Variants in MAP2K3 observed in about 807,000 individuals in gnomAD.
MAP2K3 encodes the protein mitogen-activated protein kinase kinase 3, also known as dual specificity mitogen-activated protein kinase kinase 3.
Under a neutral mutation model 46.4 loss-of-function variants are expected in MAP2K3, and 30 were observed. The ratio of observed to expected loss-of-function variants is 0.65; its 90% CI spans 0.48 to 0.88. The LOEUF is 0.88. MAP2K3 is among the 40% of genes least tolerant of loss of function. MAP2K3 has a pLI of 0.00. For missense variants in MAP2K3, 380 were observed against 464.5 expected (o/e 0.82, Z 1.67); for synonymous variants, 189 against 176.3 (o/e 1.07, Z -0.57).
intron 5 of MAP2K3, among the ~76,000 whole-genome samples, chr17:21,301,423 A>T (rs1976593531): frequency 6.6e-6 from 1 of 152,308 alleles, no homozygotes; most frequent in Admixed American, 6.5e-5. Context: ...AGAGTGACTG[A>T]GGCTGGAAGA....
Position 21,314,297 on chromosome 17 carries a change from CA to C in MAP2K3, c.*68del, listed in dbSNP as rs1237722419. 1 of 1,344,542 alleles carries C rather than the reference CA, an allele frequency of 7.4e-7. No individual in the cohort carries two copies. The highest frequency in any genetic ancestry group is 1.1e-6 in the Non-Finnish European group (1 of 940,020). 83.3% of individuals were successfully genotyped at this position (1,344,542 alleles called of 1,614,324 possible). A position where few individuals can be genotyped will look rare whatever the true frequency, so the allele number is the denominator to read the frequency against. ...CAGCCCCATCTGCGGGGGCAGTGCT[CA>C]CCCACACCATAAGCTACTGCCATCC... On this transcript the variant is annotated 3_prime_UTR_variant, in exon 12 of 12. Transcript: ENST00000342679.
At chr17:21,313,439 G>A in intron 10 of MAP2K3, 53 bp from the exon 11 acceptor site, 1 of 1,548,562 alleles carries the variant, frequency 6.5e-7, no homozygotes, top group Non-Finnish European at 8.9e-7. Flanking sequence ...TGGCCCTTGG[G>A]GGCTGGGCTT....
rs116715468 is a variant in MAP2K3, at chr17:21,314,164, C to A, written c.978C>A (p.Thr326=). 1.7e-3 allele frequency: 2,704 copies of A among 1,614,008 alleles called. 25 individuals are homozygous for A. The African/African-American group carries it at 0.027, about 16-fold the overall frequency. Residue 326 remains threonine, a synonymous_variant, in exon 12 of 12, where the codon ACC becomes ACA. Coordinates refer to ENST00000342679, the MANE Select transcript of MAP2K3 (RefSeq NM_145109.3). ...YLELMEHPFF[T]LHKTKKTDIA... ...ACCCCCAGGAGCACCCCTTCTTCAC[C>A]TTGCACAAAACCAAGAAGACGGACA... is the stretch of plus-strand genomic sequence containing the variant.
In MAP2K3 at chr17:21,296,164, C is replaced by T. The variant is rs1289138292; in HGVS notation, c.50-2249C>T. ...TGCGCAGTGAACCCTGTGCTGAGCA[C>T]CTTGCAGACGTGATCTTGCTTCGTC... On this transcript the variant is annotated intron_variant, in intron 1 of 11. Transcript: ENST00000342679. The T allele has an allele frequency of 3.9e-6, 5 of 1,289,510 alleles. No individual in the cohort carries two copies. In the African/African-American group the frequency reaches 7.6e-5, roughly 20 times the overall value. 79.9% of individuals were successfully genotyped at this position (1,289,510 alleles called of 1,614,324 possible). A position where few individuals can be genotyped will look rare whatever the true frequency, so the allele number is the denominator to read the frequency against.
Position 21,287,733 on chromosome 17 carries a change from G to A in MAP2K3, c.49+2764G>A, listed in dbSNP as rs572158611. ...TTTGTCCTTGGAGGGTACCACACGT[G>A]TCCTGTTGTCGTTCAGAACATGGGT... On this transcript the variant is annotated intron_variant, in intron 1 of 11. Transcript: ENST00000342679. Among the ~76,000 whole-genome samples, 25 of 152,360 alleles carry A rather than the reference G, an allele frequency of 1.6e-4. No homozygotes were observed. In the South Asian group the frequency reaches 5.0e-3, roughly 30 times the overall value.
chr17:21,286,835 G>A (rs911815685), intron 1 of MAP2K3, among the ~76,000 whole-genome samples: 6 of 152,220 alleles, frequency 3.9e-5, no homozygotes, highest in African/African-American at 1.4e-4. Context: ...GGGGCTGGAT[G>A]GAGGGTCAGG....
intron 10 of MAP2K3, among the ~76,000 whole-genome samples, chr17:21,312,617 T>C (rs1220242887): frequency 6.6e-6 from 1 of 152,164 alleles, no homozygotes; most frequent in Non-Finnish European, 1.5e-5. Flanking sequence ...AGGAGCCTTA[T>C]AAAAATCATG....
chr17:21,307,383 G>GGGGT (rs1976942672), intron 9 of MAP2K3, among the ~76,000 whole-genome samples: 8 of 152,378 alleles, frequency 5.3e-5, no homozygotes, highest in Middle Eastern at 3.4e-3. Context: ...GGAGCAGGTA[G>GGGGT]GGGTGGCTCT....
At chr17:21,307,845 C>T (rs1431689540) in intron 9 of MAP2K3, among the ~76,000 whole-genome samples, 53 of 104,784 alleles carry the variant, frequency 5.1e-4, no homozygotes, top group African/African-American at 1.2e-3. Context: ...GCCCGGCTAT[C>T]TTTTTTTTTT....
At chr17:21,298,036 T>G (rs1597811221) in intron 1 of MAP2K3, among the ~76,000 whole-genome samples, 1 of 152,308 alleles carries the variant, frequency 6.6e-6, no homozygotes, top group African/African-American at 2.4e-5. Flanking sequence ...CTGCTGCAGG[T>G]GCTGGCTGGA....
At chr17:21,295,951 C>G (rs1976221123) in intron 1 of MAP2K3, 1 of 1,247,408 alleles carries the variant, frequency 8.0e-7, no homozygotes, top group East Asian at 5.6e-5. Context: ...AAGGTCAAGG[C>G]CCAGGGTCTC....
At chr17:21,313,210 A>T (rs1039550013) in intron 10 of MAP2K3, among the ~76,000 whole-genome samples, 27 of 152,190 alleles carry the variant, frequency 1.8e-4, no homozygotes, top group Admixed American at 5.2e-4. Context: ...TAGGCAGAGC[A>T]TTGCAGCCCC....
intron 9 of MAP2K3, among the ~76,000 whole-genome samples, chr17:21,309,042 G>T (rs1280428785): frequency 6.6e-6 from 1 of 152,312 alleles, no homozygotes; most frequent in East Asian, 1.9e-4. Flanking sequence ...TGCTGTACCT[G>T]GGATTGGCTG....
At chr17:21,297,347 A>G (rs1976314610) in intron 1 of MAP2K3, among the ~76,000 whole-genome samples, 2 of 152,312 alleles carry the variant, frequency 1.3e-5, no homozygotes, top group Admixed American at 6.5e-5. Flanking sequence ...AGCCAGCAGC[A>G]GGGAGTGGCG....
At chr17:21,287,967 C>T in intron 1 of MAP2K3, 1 of 1,227,590 alleles carries the variant, frequency 8.1e-7, no homozygotes, top group Non-Finnish European at 1.1e-6. Context: ...CGGGGACTTC[C>T]CCCACCCCTC....
rs753929902 is a variant in MAP2K3, at chr17:21,302,268, C to T, written c.516+9C>T. 1.6e-6 allele frequency: 1 copy of T among 613,064 alleles called. No individual in the cohort carries two copies. The highest frequency in any genetic ancestry group is 2.0e-5 in the Admixed American group (1 of 49,882). 38.0% of individuals were successfully genotyped at this position (613,064 alleles called of 1,614,324 possible). A position where few individuals can be genotyped will look rare whatever the true frequency, so the allele number is the denominator to read the frequency against. On this transcript the variant is annotated intron_variant, in intron 6 of 11. Transcript: ENST00000342679. ...GGGAGATTGCTGTGTCTGTGAGTGG[C>T]CTGGGTGGGCTGGCGGGGGGTCCTA...
At chr17:21,307,625 G>A (rs1439440746) in intron 9 of MAP2K3, among the ~76,000 whole-genome samples, 3,107 of 149,322 alleles carry the variant, frequency 0.021, no homozygotes, top group African/African-American at 0.077. Flanking sequence ...GGGTTTTACT[G>A]GTGTTGCTGC....
intron 1 of MAP2K3, among the ~76,000 whole-genome samples, chr17:21,290,794 A>G (rs1274469738): frequency 1.3e-5 from 2 of 152,304 alleles, no homozygotes. Context: ...TACAAAAAAC[A>G]TAAAAGATTA....
chr17:21,295,936 G>C, intron 1 of MAP2K3: 1 of 1,245,256 alleles, frequency 8.0e-7, no homozygotes. Context: ...CAAGGGGCTG[G>C]GGGCAAGGTC....
Sources: allele counts gnomAD v4.1 joint callset (sites outside exome capture counted in the v4.1 genomes callset), GRCh38; gene constraint gnomAD v4.1.1; transcripts MANE v1.5; gene names NCBI Gene and HGNC (gene_info 2026-07-23, HGNC 2026-07-21).